Variants in DMD observed in about 807,000 individuals in gnomAD.
DMD encodes the protein dystrophin, also known as mutant dystrophin.
In DMD, 63 loss-of-function variants were observed where a neutral mutation model predicts 330.1. The ratio of observed to expected loss-of-function variants is 0.19; its 90% CI spans 0.16 to 0.24. DMD has a LOEUF of 0.24. DMD is among the 10% of genes least tolerant of loss of function. The pLI is 1.00. For synonymous variants in DMD, 1,223 were observed against 959.8 expected, an observed-to-expected ratio of 1.27 and a Z score of -5.07; for missense variants, 3,344 against 2,684.1, an observed-to-expected ratio of 1.25 and a Z score of -5.43.
At chrX:31,353,049 G>A (rs780332090) in intron 60 of DMD, among the ~76,000 whole-genome samples, 1 of 111,084 alleles carries the variant, frequency 9.0e-6, no homozygotes, top group Non-Finnish European at 1.9e-5. Context: ...TTCCTTGGTG[G>A]TTTATTCATT....
chrX:33,236,238 G>A (rs960319340), intron 1 of DMD, among the ~76,000 whole-genome samples: 1 of 104,494 alleles, frequency 9.6e-6, no homozygotes, highest in Non-Finnish European at 2.0e-5. Flanking sequence ...AGCAAAACGA[G>A]TGCCAATATT....
intron 51 of DMD, among the ~76,000 whole-genome samples, chrX:31,740,906 C>G (rs1239584349): frequency 8.9e-6 from 1 of 112,339 alleles, no homozygotes; most frequent in African/African-American, 3.2e-5. Context: ...GAACTTCTTT[C>G]AAAATTTGAG....
chrX:32,527,319 C>G (rs1172787182), intron 17 of DMD, among the ~76,000 whole-genome samples: 1 of 111,654 alleles, frequency 9.0e-6, no homozygotes, highest in Non-Finnish European at 1.9e-5. Context: ...TAAGATTTTC[C>G]AACTTTGCTG....
chrX:33,182,305 C>A (rs1187629040), intron 1 of DMD, among the ~76,000 whole-genome samples: 1 of 111,646 alleles, frequency 9.0e-6, no homozygotes, highest in African/African-American at 3.3e-5. Context: ...TGCTCTGTTG[C>A]CCAAGTTGGA....
chrX:31,752,350 C>T (rs954599117), intron 51 of DMD, among the ~76,000 whole-genome samples: 7 of 110,858 alleles, frequency 6.3e-5, no homozygotes, highest in African/African-American at 9.9e-5. Flanking sequence ...CGGGTGGGTT[C>T]GGTACTATGT....
chrX:31,254,357 G>C lies in DMD; in HGVS notation c.9286+6598C>G, dbSNP rs1412657361. ...AAGAGACCCCCCCCCAATAAGACAG[G>C]CTAAGAAATAATGTTTTTAAACAGG... On this transcript the variant is annotated intron_variant, in intron 63 of 78. Coordinates refer to ENST00000357033, the MANE Select transcript of DMD (RefSeq NM_004006.3). Among the ~76,000 whole-genome samples the C allele has an allele frequency of 3.6e-5, 4 of 110,918 alleles. 1 individual carries two copies. Among genetic ancestry groups the C allele is most frequent in the African/African-American group, 1.3e-4 (4 of 30,470 alleles).
intron 51 of DMD, among the ~76,000 whole-genome samples, chrX:31,749,210 G>A (rs1035343705): frequency 6.5e-5 from 7 of 107,662 alleles, no homozygotes; most frequent in African/African-American, 2.4e-4. Flanking sequence ...AGTTACATAT[G>A]TATACATGTG....
At chrX:32,747,797 C>T (rs1024592549) in intron 7 of DMD, among the ~76,000 whole-genome samples, 2 of 110,727 alleles carry the variant, frequency 1.8e-5, no homozygotes, top group Non-Finnish European at 3.8e-5. Flanking sequence ...TTTTAACCAC[C>T]ACCTTCCCTG....
chrX:32,064,170 T>C (rs187293116), intron 44 of DMD, among the ~76,000 whole-genome samples: 25 of 111,509 alleles, frequency 2.2e-4, no homozygotes, highest in African/African-American at 8.1e-4. Flanking sequence ...CTTAATTATG[T>C]TTAATCTATA....
intron 7 of DMD, among the ~76,000 whole-genome samples, chrX:32,734,220 G>T (rs1379868063): frequency 9.4e-6 from 1 of 106,788 alleles, no homozygotes; most frequent in Admixed American, 1.0e-4. Flanking sequence ...CCAGGAAGAA[G>T]TTGAATCTCT....
intron 61 of DMD, among the ~76,000 whole-genome samples, chrX:31,331,225 T>C (rs2057104344): frequency 9.0e-6 from 1 of 111,639 alleles, no homozygotes; most frequent in Non-Finnish European, 1.9e-5. Context: ...TTGCACATGG[T>C]GAACAGAATA....
chrX:32,105,092 C>T (rs189311280), intron 44 of DMD, among the ~76,000 whole-genome samples: 3 of 111,960 alleles, frequency 2.7e-5, no homozygotes, highest in African/African-American at 6.5e-5. Context: ...ACACTGTTTA[C>T]GCATCATGAA....
chrX:31,234,091 C>T (rs2047484762), intron 63 of DMD, among the ~76,000 whole-genome samples: 1 of 112,080 alleles, frequency 8.9e-6, no homozygotes, highest in Non-Finnish European at 1.9e-5. Flanking sequence ...CTAACAGAAG[C>T]TTTTCAGGTT....
intron 53 of DMD, among the ~76,000 whole-genome samples, chrX:31,678,391 TA>T (rs1380523099): frequency 8.9e-6 from 1 of 112,187 alleles, no homozygotes; most frequent in Non-Finnish European, 1.9e-5. Flanking sequence ...CAAAATACCC[TA>T]AAGCTTAACC....
chrX:32,636,814 T>C (rs1207606220), intron 11 of DMD, among the ~76,000 whole-genome samples: 2 of 109,371 alleles, frequency 1.8e-5, no homozygotes, highest in African/African-American at 3.3e-5. Context: ...CTGAATAACA[T>C]GGTGAAACCC....
At chrX:32,754,224 A>G (rs2071194093) in intron 7 of DMD, among the ~76,000 whole-genome samples, 1 of 111,344 alleles carries the variant, frequency 9.0e-6, no homozygotes, top group Non-Finnish European at 1.9e-5. Context: ...AATATTTTCA[A>G]AACAATCTTA....
intron 3 of DMD, 126 bp from the exon 4 acceptor site, chrX:32,844,986 A>T: frequency 1.7e-6 from 1 of 578,755 alleles, no homozygotes; most frequent in Non-Finnish European, 2.9e-6. Flanking sequence ...GTGAGGCATT[A>T]ATATAATGAA....
intron 30 of DMD, among the ~76,000 whole-genome samples, chrX:32,400,298 A>G (rs916325614): frequency 9.0e-6 from 1 of 111,540 alleles, no homozygotes; most frequent in African/African-American, 3.3e-5. Flanking sequence ...TTGCATCCCA[A>G]GGATGAAGCC....
At chrX:32,228,472 TA>T (rs977079129) in intron 43 of DMD, among the ~76,000 whole-genome samples, 2 of 111,779 alleles carry the variant, frequency 1.8e-5, no homozygotes, top group Non-Finnish European at 3.8e-5. Context: ...TAGCACCCTG[TA>T]AAAATACCCA....
Sources: allele counts gnomAD v4.1 joint callset (sites outside exome capture counted in the v4.1 genomes callset), GRCh38; gene constraint gnomAD v4.1.1; transcripts MANE v1.5; gene names NCBI Gene and HGNC (gene_info 2026-07-23, HGNC 2026-07-21).